Variants in GSK3B observed in about 807,000 individuals in gnomAD.
GSK3B encodes glycogen synthase kinase-3 beta.
In GSK3B, 15 loss-of-function variants were observed where a neutral mutation model predicts 56.4. That is an observed-to-expected ratio of 0.27 (90% CI 0.18 to 0.41). GSK3B has a LOEUF of 0.41. Among genes scored for constraint, GSK3B ranks in the 10% least tolerant of loss-of-function variants. The pLI is 1.00. For missense variants in GSK3B, 300 were observed against 513.4 expected, an observed-to-expected ratio of 0.58 and a Z score of 4.02; for synonymous variants, 181 against 188.9, an observed-to-expected ratio of 0.96 and a Z score of 0.34.
intron 10 of GSK3B, among the ~76,000 whole-genome samples, chr3:119,840,733 G>A (rs78399749): frequency 0.016 from 2,415 of 152,014 alleles, 59 homozygotes; most frequent in African/African-American, 0.055. Context: ...ACTATACTGT[G>A]GTTAAACTGT....
At chr3:120,061,540 A>T (rs2058236876) in intron 1 of GSK3B, among the ~76,000 whole-genome samples, 1 of 152,170 alleles carries the variant, frequency 6.6e-6, no homozygotes, top group South Asian at 2.1e-4. Flanking sequence ...AATAAATGTA[A>T]TGTCTGGCAC....
intron 9 of GSK3B, among the ~76,000 whole-genome samples, chr3:119,858,334 C>T (rs1046572825): frequency 2.6e-5 from 4 of 152,198 alleles, no homozygotes; most frequent in Non-Finnish European, 4.4e-5. Context: ...GTTAGTGTAG[C>T]TATGTTCACC....
intron 3 of GSK3B, among the ~76,000 whole-genome samples, chr3:119,946,141 T>G (rs1442823983): frequency 2.0e-5 from 3 of 151,458 alleles, no homozygotes; most frequent in Non-Finnish European, 4.4e-5. Flanking sequence ...ATTTGCTAAC[T>G]ATAGTTGTTA....
chr3:119,908,732 T>C (rs2107450192), intron 6 of GSK3B, among the ~76,000 whole-genome samples: 1 of 152,352 alleles, frequency 6.6e-6, no homozygotes, highest in African/African-American at 2.4e-5. Context: ...CACTTTGTAC[T>C]CTTTGCACCT....
rs144541031 is a variant in GSK3B at position 119,831,473 on chromosome 3, C to A, written c.1196-4618G>T. ...GAGATAGAGACCATCCTGGCTAACA[C>A]GGTGAAACCCTGACTCTACTAAAAA... On this transcript the variant is annotated intron_variant, in intron 10 of 10. Transcript: ENST00000264235. Among the ~76,000 whole-genome samples, 9 of 151,996 alleles carry A rather than the reference C, an allele frequency of 5.9e-5. No homozygotes were observed. The East Asian group carries it at 1.5e-3, about 26-fold the overall frequency.
chr3:120,013,902 G>A (rs905800973), intron 1 of GSK3B, among the ~76,000 whole-genome samples: 4 of 151,768 alleles, frequency 2.6e-5, no homozygotes, highest in African/African-American at 9.7e-5. Context: ...GGGCGCAGTG[G>A]CTCAAGCCTA....
At chr3:120,022,416 A>G (rs1416091931) in intron 1 of GSK3B, among the ~76,000 whole-genome samples, 4 of 152,236 alleles carry the variant, frequency 2.6e-5, no homozygotes, top group Non-Finnish European at 5.9e-5. Context: ...AACCAAACCC[A>G]CAATATTGTC....
intron 1 of GSK3B, among the ~76,000 whole-genome samples, chr3:120,017,401 A>C (rs1221896975): frequency 6.6e-6 from 1 of 152,086 alleles, no homozygotes; most frequent in South Asian, 2.1e-4. Context: ...ATATTTTTTA[A>C]ATCAATTAGG....
intron 1 of GSK3B, among the ~76,000 whole-genome samples, chr3:120,079,234 C>T (rs1228211891): frequency 1.3e-5 from 2 of 150,452 alleles, no homozygotes; most frequent in African/African-American, 4.9e-5. Context: ...AGCCACTGCA[C>T]CTGGCCTGTC....
intron 2 of GSK3B, among the ~76,000 whole-genome samples, chr3:119,965,221 T>C (rs2107509768): frequency 6.6e-6 from 1 of 150,812 alleles, no homozygotes; most frequent in East Asian, 1.9e-4. Flanking sequence ...TCCGACTAAT[T>C]TTTGTATTTT....
At chr3:120,011,928 T>C (rs1002607481) in intron 1 of GSK3B, among the ~76,000 whole-genome samples, 2 of 152,248 alleles carry the variant, frequency 1.3e-5, no homozygotes, top group Non-Finnish European at 2.9e-5. Flanking sequence ...GCCTCTGCTG[T>C]ATTTTAAAAC....
At chr3:119,955,394 G>A (rs1485247006) in intron 2 of GSK3B, among the ~76,000 whole-genome samples, 1 of 152,052 alleles carries the variant, frequency 6.6e-6, no homozygotes, top group African/African-American at 2.4e-5. Flanking sequence ...TCAGAACTGG[G>A]GGCCCTGAGA....
At chr3:119,912,405 G>A (rs1442391274) in intron 6 of GSK3B, among the ~76,000 whole-genome samples, 1 of 151,602 alleles carries the variant, frequency 6.6e-6, no homozygotes, top group Non-Finnish European at 1.5e-5. Context: ...GTGACACAAA[G>A]ACATGATGAC....
chr3:119,876,186 C>T lies in GSK3B; in HGVS notation c.909+227G>A, dbSNP rs78215512. 0.027 allele frequency among the ~76,000 whole-genome samples: 4,171 copies of T among 152,142 alleles called. 182 individuals are homozygous for T. Among genetic ancestry groups the T allele is most frequent in the African/African-American group, 0.092 (3,812 of 41,480 alleles). On this transcript the variant is annotated intron_variant, in intron 8 of 10. Coordinates refer to ENST00000264235, the MANE Select transcript of GSK3B (RefSeq NM_001146156.2). ...GTACTTTAATGATATAAGTACACTGCCCTTACCTTGCAAATAAAAAACCAG... is the reference window on the plus strand; with the variant it reads ...GTACTTTAATGATATAAGTACACTGTCCTTACCTTGCAAATAAAAAACCAG...
rs183059465 is a variant in GSK3B at position 119,986,905 on chromosome 3, T to C, written c.282+15141A>G. 2.0e-3 allele frequency among the ~76,000 whole-genome samples: 297 copies of C among 151,968 alleles called. 1 individual carries two copies. The highest frequency in any genetic ancestry group is 3.2e-3 in the Non-Finnish European group (216 of 67,800). ...ACACGTTTGTTTATTGTGGCACTAT[T>C]CACAAGACTTGGAACCAACGCAAAT... On this transcript the variant is annotated intron_variant, in intron 2 of 10. Transcript: ENST00000264235.
At chr3:120,089,731 A>T (rs997142501) in intron 1 of GSK3B, among the ~76,000 whole-genome samples, 2 of 152,206 alleles carry the variant, frequency 1.3e-5, no homozygotes, top group Non-Finnish European at 2.9e-5. Flanking sequence ...AGGATTACTA[A>T]TATTTTAACC....
chr3:119,901,551 G>A (rs2056625227), intron 7 of GSK3B, among the ~76,000 whole-genome samples: 1 of 152,136 alleles, frequency 6.6e-6, no homozygotes, highest in South Asian at 2.1e-4. Context: ...TAGCTAGAAT[G>A]AGATACAGTT....
chr3:119,908,974 C>G (rs371970120), intron 6 of GSK3B, among the ~76,000 whole-genome samples: 97 of 152,240 alleles, frequency 6.4e-4, no homozygotes, highest in African/African-American at 2.2e-3. Context: ...CTATTTATAT[C>G]AAAAAGACAA....
intron 2 of GSK3B, among the ~76,000 whole-genome samples, chr3:119,992,438 A>C (rs1186355336): frequency 6.6e-6 from 1 of 152,114 alleles, no homozygotes; most frequent in African/African-American, 2.4e-5. Flanking sequence ...TAGATCAATA[A>C]TTCATACCAT....
Sources: allele counts gnomAD v4.1 joint callset (sites outside exome capture counted in the v4.1 genomes callset), GRCh38; gene constraint gnomAD v4.1.1; transcripts MANE v1.5; gene names NCBI Gene and HGNC (gene_info 2026-07-23, HGNC 2026-07-21).